The following NDUFS4 variants were observed in gnomAD, a reference collection of about 807,000 sequenced individuals.
The protein encoded by NDUFS4 is NADH:ubiquinone oxidoreductase subunit S4.
Under a neutral mutation model 24.3 loss-of-function variants are expected in NDUFS4, and 28 were observed. The observed-to-expected ratio is 1.15, with a 90% CI of 0.85 to 1.58. NDUFS4 has a LOEUF of 1.58. Ranked by LOEUF, NDUFS4 falls within the 40% of genes most tolerant of loss-of-function variation. The pLI is 0.00. For missense variants in NDUFS4, 223 were observed against 207.9 expected (o/e 1.07, Z -0.45); for synonymous variants, 93 against 69.7 (o/e 1.34, Z -1.67).
intron 1 of NDUFS4, among the ~76,000 whole-genome samples, chr5:53,563,361 A>C (rs1243014002): frequency 1.3e-5 from 2 of 152,028 alleles, no homozygotes; most frequent in Non-Finnish European, 2.9e-5. Context: ...CACACAAGAG[A>C]GAAAAAATCT....
Position 53,665,087 on chromosome 5 carries a change from G to A in NDUFS4, c.424+6463G>A, listed in dbSNP as rs191005470. On this transcript the variant is annotated intron_variant, in intron 4 of 4. Coordinates refer to ENST00000296684, the MANE Select transcript of NDUFS4 (RefSeq NM_002495.4). ...TGCAGGTCTGTTGGAGTTTGCTGGA[G>A]GTCCACTCCAGACCCTATTTGCCTG... Among the ~76,000 whole-genome samples, 321 of 152,332 alleles carry A rather than the reference G, an allele frequency of 2.1e-3. 1 individual carries two copies. Among genetic ancestry groups the A allele is most frequent in the African/African-American group, 7.3e-3 (302 of 41,582 alleles).
intron 2 of NDUFS4, among the ~76,000 whole-genome samples, chr5:53,622,884 C>T (rs1433917850): frequency 1.3e-5 from 2 of 152,134 alleles, no homozygotes. Flanking sequence ...TATTAACTGT[C>T]CTTTATGCTC....
chr5:53,572,861 G>GTCTCGAACTCCCGACCT (rs1384306115), intron 1 of NDUFS4, among the ~76,000 whole-genome samples: 1 of 151,574 alleles, frequency 6.6e-6, no homozygotes, highest in African/African-American at 2.4e-5. Flanking sequence ...GGCCAGGCTG[G>GTCTCGAACTCCCGACCT]TCTCGAACTC....
chr5:53,599,529 C>T (rs534117795), intron 1 of NDUFS4, among the ~76,000 whole-genome samples: 4 of 152,220 alleles, frequency 2.6e-5, no homozygotes, highest in Non-Finnish European at 4.4e-5. Flanking sequence ...TTCATGTGCT[C>T]ATTAGCCATT....
chr5:53,579,336 C>T (rs1431660586), intron 1 of NDUFS4, among the ~76,000 whole-genome samples: 1 of 151,972 alleles, frequency 6.6e-6, no homozygotes, highest in Non-Finnish European at 1.5e-5. Context: ...ACCATAATAG[C>T]CAAATGAATT....
At chr5:53,623,741 A>C (rs1751129220) in intron 2 of NDUFS4, among the ~76,000 whole-genome samples, 1 of 57,216 alleles carries the variant, frequency 1.7e-5, no homozygotes, top group African/African-American at 8.2e-5. Flanking sequence ...TTGTTTTGAG[A>C]CGGAATCTCC....
chr5:53,663,617 G>A (rs1189861753), intron 4 of NDUFS4, among the ~76,000 whole-genome samples: 1 of 152,102 alleles, frequency 6.6e-6, no homozygotes, highest in Non-Finnish European at 1.5e-5. Flanking sequence ...GATCTTTGCT[G>A]GTTTAAAGTC....
intron 2 of NDUFS4, among the ~76,000 whole-genome samples, chr5:53,618,025 C>G (rs1330615467): frequency 6.6e-6 from 1 of 152,084 alleles, no homozygotes; most frequent in Non-Finnish European, 1.5e-5. Flanking sequence ...AACTGTAACC[C>G]CAGCACTTTA....
intron 2 of NDUFS4, among the ~76,000 whole-genome samples, chr5:53,609,800 T>C (rs1295816186): frequency 1.4e-5 from 1 of 73,186 alleles, no homozygotes; most frequent in Non-Finnish European, 2.7e-5. Flanking sequence ...TTTTATATTA[T>C]ATAGATGGCT....
intron 4 of NDUFS4, among the ~76,000 whole-genome samples, chr5:53,663,500 A>G (rs1239393403): frequency 6.6e-6 from 1 of 152,228 alleles, no homozygotes; most frequent in East Asian, 1.9e-4. Flanking sequence ...GACTTGCTTT[A>G]TGAATCTGGG....
At chr5:53,637,968 A>G (rs921853237) in intron 2 of NDUFS4, among the ~76,000 whole-genome samples, 1 of 152,156 alleles carries the variant, frequency 6.6e-6, no homozygotes, top group Admixed American at 6.6e-5. Context: ...TATGAATGAC[A>G]GAAGATTTAA....
chr5:53,652,199 A>G (rs1476978467), intron 3 of NDUFS4, among the ~76,000 whole-genome samples: 1 of 152,268 alleles, frequency 6.6e-6, no homozygotes, highest in Non-Finnish European at 1.5e-5. Context: ...AGTGTGCAGT[A>G]TAAGAAATAT....
chr5:53,598,363 A>G (rs1036162209), intron 1 of NDUFS4, among the ~76,000 whole-genome samples: 1 of 152,206 alleles, frequency 6.6e-6, no homozygotes, highest in Non-Finnish European at 1.5e-5. Context: ...GAAAATGTGT[A>G]TATGTATGGT....
At chr5:53,641,362 G>A (rs748048370) in intron 2 of NDUFS4, among the ~76,000 whole-genome samples, 34 of 152,062 alleles carry the variant, frequency 2.2e-4, no homozygotes, top group Non-Finnish European at 4.4e-4. Flanking sequence ...TATTAGTTTT[G>A]TACTCCTTGT....
At chr5:53,666,404 C>A (rs796726172) in intron 4 of NDUFS4, among the ~76,000 whole-genome samples, 16 of 152,144 alleles carry the variant, frequency 1.1e-4, no homozygotes, top group African/African-American at 3.9e-4. Context: ...TGACTTCTAC[C>A]TCCCCGGGAA....
chr5:53,634,225 A>C (rs1310098574), intron 2 of NDUFS4, among the ~76,000 whole-genome samples: 2 of 152,152 alleles, frequency 1.3e-5, no homozygotes, highest in Non-Finnish European at 2.9e-5. Flanking sequence ...CTTGCAATCT[A>C]GTTTGACTTG....
At chr5:53,603,930 C>T (rs1750414097) in intron 2 of NDUFS4, among the ~76,000 whole-genome samples, 1 of 152,062 alleles carries the variant, frequency 6.6e-6, no homozygotes, top group Admixed American at 6.6e-5. Flanking sequence ...CATTTATTAT[C>T]ACTATATGTA....
intron 1 of NDUFS4, among the ~76,000 whole-genome samples, chr5:53,595,454 T>C (rs1288020789): frequency 1.3e-5 from 2 of 152,192 alleles, no homozygotes; most frequent in Non-Finnish European, 2.9e-5. Flanking sequence ...GGTAGCTCAA[T>C]GATTTGACCT....
At position 53,602,585 on chromosome 5, in the gene NDUFS4, T is replaced by C. The variant is rs549547281; in HGVS notation, c.99-867T>C. ...GTTATTTTTGTCAATTATTGGTTAT[T>C]ATGTTGCATTAAAACTATGGTAGTG... On this transcript the variant is annotated intron_variant, in intron 1 of 4. Transcript: ENST00000296684. Among the ~76,000 whole-genome samples the C allele has an allele frequency of 4.6e-5, 7 of 152,318 alleles. No homozygotes were observed. In the East Asian group the frequency reaches 5.8e-4, roughly 13 times the overall value.
Sources: gnomAD v4.1 joint callset for allele counts (sites outside exome capture counted in the v4.1 genomes callset) on GRCh38, gnomAD v4.1.1 for gene constraint, MANE v1.5 for transcripts, NCBI Gene and HGNC (gene_info 2026-07-23, HGNC 2026-07-21) for gene names.